The following GALNT13 variants were observed in gnomAD, a reference collection of about 807,000 sequenced individuals.
The protein encoded by GALNT13 is polypeptide N-acetylgalactosaminyltransferase 13.
GALNT13 carries 28 observed loss-of-function variants against 64.2 expected under a neutral mutation model. The ratio of observed to expected loss-of-function variants is 0.44; its 90% CI spans 0.32 to 0.60. The LOEUF (loss-of-function observed/expected upper bound fraction) is 0.60. GALNT13 is among the 20% of genes least tolerant of loss of function. The pLI, the probability that GALNT13 is intolerant of heterozygous loss-of-function variation, is 0.05. For synonymous variants in GALNT13, 214 were observed against 224.6 expected (o/e 0.95, Z 0.42); for missense variants, 577 against 669.8 (o/e 0.86, Z 1.53).
At chr2:153,976,214 T>C (rs1295068030) in intron 3 of GALNT13, among the ~76,000 whole-genome samples, 1 of 152,148 alleles carries the variant, frequency 6.6e-6, no homozygotes, top group Admixed American at 6.5e-5. Context: ...TTATCCTCAG[T>C]GCTTAGATTA....
At chr2:154,317,187 T>C (rs1694365260) in intron 9 of GALNT13, among the ~76,000 whole-genome samples, 1 of 144,148 alleles carries the variant, frequency 6.9e-6, no homozygotes, top group Non-Finnish European at 1.5e-5. Flanking sequence ...TACTCCAGCG[T>C]GAGTGACAAA....
chr2:153,859,468 CCTTA>C, the GALNT13 span, among the ~76,000 whole-genome samples: 11 of 152,224 alleles, frequency 7.2e-5, no homozygotes, highest in African/African-American at 2.6e-4. Context: ...TGATTTCTCT[CCTTA>C]CTTACTTCAT....
the GALNT13 span, among the ~76,000 whole-genome samples, chr2:153,201,887 C>G: frequency 6.6e-6 from 1 of 151,614 alleles, no homozygotes; most frequent in Non-Finnish European, 1.5e-5. Context: ...AGCTCCAGAT[C>G]TTCGTCTCTA....
chr2:153,538,325 TC>T, the GALNT13 span, among the ~76,000 whole-genome samples: 39 of 77,908 alleles, frequency 5.0e-4, no homozygotes, highest in South Asian at 9.7e-3. Context: ...TTTTTTTAAT[TC>T]TTTTTTTTTT....
the GALNT13 span, among the ~76,000 whole-genome samples, chr2:153,267,495 T>A: frequency 6.6e-6 from 1 of 152,216 alleles, no homozygotes; most frequent in Non-Finnish European, 1.5e-5. Flanking sequence ...CCACCAAGGA[T>A]TGGGGCTTGC....
the GALNT13 span, among the ~76,000 whole-genome samples, chr2:153,423,846 TTATC>T: frequency 6.6e-6 from 1 of 151,470 alleles, no homozygotes; most frequent in Non-Finnish European, 1.5e-5. Flanking sequence ...TTCCTCCTAT[TTATC>T]TATACTTTCA....
chr2:153,965,767 T>C (rs748945847), intron 3 of GALNT13, among the ~76,000 whole-genome samples: 4 of 151,330 alleles, frequency 2.6e-5, no homozygotes, highest in Non-Finnish European at 5.9e-5. Flanking sequence ...AATGACAACT[T>C]TTCTCTGGTC....
At chr2:154,168,872 A>G (rs994955580) in intron 4 of GALNT13, among the ~76,000 whole-genome samples, 23 of 151,946 alleles carry the variant, frequency 1.5e-4, no homozygotes, top group Non-Finnish European at 1.0e-4. Context: ...GAGAAAGAAA[A>G]GAGATTTATT....
intron 8 of GALNT13, among the ~76,000 whole-genome samples, chr2:154,295,341 C>CT (rs1443045603): frequency 1.4e-5 from 1 of 70,616 alleles, no homozygotes; most frequent in African/African-American, 4.1e-5. Flanking sequence ...ATTGAAAATT[C>CT]TTTTTATTTT....
At chr2:153,686,624 C>T in the GALNT13 span, among the ~76,000 whole-genome samples, 3 of 151,936 alleles carry the variant, frequency 2.0e-5, no homozygotes, top group Non-Finnish European at 4.4e-5. Flanking sequence ...TATTTGAATG[C>T]TCTTTATTTA....
intron 4 of GALNT13, among the ~76,000 whole-genome samples, chr2:154,150,448 T>C (rs1315391827): frequency 1.3e-5 from 2 of 152,282 alleles, no homozygotes; most frequent in Non-Finnish European, 2.9e-5. Flanking sequence ...CCTCATAAAA[T>C]GAGTTAGGGA....
chr2:153,687,578 C>A, the GALNT13 span, among the ~76,000 whole-genome samples: 1 of 151,704 alleles, frequency 6.6e-6, no homozygotes, highest in African/African-American at 2.4e-5. Flanking sequence ...TCTTTTCCAC[C>A]TTTTAAAATT....
At chr2:154,176,295 G>A (rs1685649524) in intron 4 of GALNT13, among the ~76,000 whole-genome samples, 1 of 128,838 alleles carries the variant, frequency 7.8e-6, no homozygotes, top group Non-Finnish European at 1.8e-5. Flanking sequence ...TTATTTATGG[G>A]ATGGAGTCTC....
At chr2:153,787,490 T>C in the GALNT13 span, among the ~76,000 whole-genome samples, 2 of 152,176 alleles carry the variant, frequency 1.3e-5, no homozygotes, top group African/African-American at 4.8e-5. Flanking sequence ...CATTCAGAGA[T>C]GAGAAACAAA....
chr2:153,665,896 G>A, the GALNT13 span, among the ~76,000 whole-genome samples: 1 of 152,138 alleles, frequency 6.6e-6, no homozygotes, highest in Non-Finnish European at 1.5e-5. Context: ...CAGAGGGTTT[G>A]GTGCAGGCGT....
intron 4 of GALNT13, among the ~76,000 whole-genome samples, chr2:154,143,297 C>T (rs931653338): frequency 1.3e-5 from 2 of 152,108 alleles, no homozygotes; most frequent in African/African-American, 4.8e-5. Flanking sequence ...GGCAGCTCAC[C>T]TCCTGCTGTG....
chr2:153,532,788 G>T, the GALNT13 span, among the ~76,000 whole-genome samples: 5 of 152,128 alleles, frequency 3.3e-5, no homozygotes, highest in East Asian at 5.8e-4. Context: ...CAAGTTCAAA[G>T]TTCCACAGAT....
the GALNT13 span, among the ~76,000 whole-genome samples, chr2:153,093,236 C>CTTTTTTTTTTTTTTTT: frequency 1.5e-4 from 19 of 129,002 alleles, no homozygotes; most frequent in Non-Finnish European, 2.6e-4. Flanking sequence ...TTTTTCTTTT[C>CTTTTTTTTTTTTTTTT]TTTTCTTTTT....
At chr2:154,258,221 A>G (rs16836393) in intron 7 of GALNT13, among the ~76,000 whole-genome samples, 3,179 of 152,188 alleles carry the variant, frequency 0.021, 80 homozygotes, top group African/African-American at 0.064. Context: ...ATTGTCTTTA[A>G]TTTGTCTTTT....
Sources: allele counts gnomAD v4.1 joint callset (sites outside exome capture counted in the v4.1 genomes callset), GRCh38; gene constraint gnomAD v4.1.1; transcripts MANE v1.5; gene names NCBI Gene and HGNC (gene_info 2026-07-23, HGNC 2026-07-21).